NRG3: variants seen among roughly 807,000 people sequenced by gnomAD.
NRG3 encodes pro-neuregulin-3, membrane-bound isoform.
Under a neutral mutation model 66.9 loss-of-function variants are expected in NRG3, and 31 were observed. The ratio of observed to expected loss-of-function variants is 0.46; its 90% CI spans 0.35 to 0.63. NRG3 has a LOEUF of 0.63. NRG3 is among the 20% of genes least tolerant of loss of function. The pLI, the probability that NRG3 is intolerant of heterozygous loss-of-function variation, is 0.00. For synonymous variants in NRG3, 393 were observed against 359.4 expected, an observed-to-expected ratio of 1.09 and a Z score of -1.06; for missense variants, 910 against 878.9, an observed-to-expected ratio of 1.04 and a Z score of -0.45.
At chr10:82,041,350 G>A (rs1233237520) in intron 1 of NRG3, among the ~76,000 whole-genome samples, 3 of 151,920 alleles carry the variant, frequency 2.0e-5, no homozygotes, top group African/African-American at 7.3e-5. Flanking sequence ...ATCAGTTCTA[G>A]AGCCCACTGT....
intron 2 of NRG3, among the ~76,000 whole-genome samples, chr10:82,521,958 C>A (rs184042321): frequency 1.3e-5 from 2 of 151,722 alleles, no homozygotes; most frequent in East Asian, 3.9e-4. Context: ...TGCAGACATT[C>A]AGTCTCATCT....
chr10:82,754,297 T>C (rs1438180514), intron 3 of NRG3, among the ~76,000 whole-genome samples: 1 of 151,376 alleles, frequency 6.6e-6, no homozygotes, highest in African/African-American at 2.4e-5. Flanking sequence ...ATTAGGGTTT[T>C]ATTAAATATA....
intron 1 of NRG3, among the ~76,000 whole-genome samples, chr10:82,106,537 A>T (rs2067072876): frequency 6.8e-6 from 1 of 147,904 alleles, no homozygotes; most frequent in Non-Finnish European, 1.5e-5. Context: ...ATGGAGTCTC[A>T]TTCTGTCACC....
At chr10:82,230,159 T>G (rs1316455055) in intron 1 of NRG3, 1 of 152,140 alleles carries the variant, frequency 6.6e-6, no homozygotes, top group African/African-American at 2.4e-5. Context: ...AAGCCCAACA[T>G]TATGAAAAAA....
intron 3 of NRG3, among the ~76,000 whole-genome samples, chr10:82,832,560 A>G (rs2062578749): frequency 6.6e-6 from 1 of 152,210 alleles, no homozygotes; most frequent in Admixed American, 6.5e-5. Context: ...ATGCTGTGAA[A>G]TGAAATGTGG....
chr10:82,958,261 C>T (rs1850270678), intron 5 of NRG3, among the ~76,000 whole-genome samples: 1 of 152,170 alleles, frequency 6.6e-6, no homozygotes, highest in Non-Finnish European at 1.5e-5. Context: ...AAACAAATGG[C>T]TTAGCTTCTC....
rs763763706 is a variant in NRG3 at position 82,639,765 on chromosome 10, A to T, written c.954-98812A>T. Among the ~76,000 whole-genome samples the T allele has an allele frequency of 3.3e-5, 5 of 152,030 alleles. No homozygotes were observed. In the East Asian group the frequency reaches 9.6e-4, roughly 29 times the overall value. On this transcript the variant is annotated intron_variant, in intron 2 of 8. Coordinates refer to ENST00000372141, the MANE Select transcript of NRG3 (RefSeq NM_001010848.4). ...GGTAATGGCTGAAAGAGCCCTGATT[A>T]TTTTTTTAATTTGACTTTTATTTAA... is the stretch of plus-strand genomic sequence containing the variant.
At chr10:82,294,052 C>A (rs754987539) in intron 1 of NRG3, among the ~76,000 whole-genome samples, 1 of 152,062 alleles carries the variant, frequency 6.6e-6, no homozygotes, top group Non-Finnish European at 1.5e-5. Flanking sequence ...CGCTTGTCCT[C>A]TCACCAAGGA....
chr10:81,992,559 A>G (rs959247986), intron 1 of NRG3, among the ~76,000 whole-genome samples: 2 of 152,208 alleles, frequency 1.3e-5, no homozygotes, highest in Non-Finnish European at 2.9e-5. Context: ...AATTTCTACC[A>G]TAACAAATGA....
chr10:82,707,016 TAA>T (rs1477537869), intron 2 of NRG3, among the ~76,000 whole-genome samples: 17 of 87,286 alleles, frequency 1.9e-4, no homozygotes, highest in Admixed American at 6.0e-4. Context: ...TAAAATAAAA[TAA>T]ATATATATAT....
chr10:82,805,941 A>G (rs2061260915), intron 3 of NRG3, among the ~76,000 whole-genome samples: 1 of 152,094 alleles, frequency 6.6e-6, no homozygotes, highest in Non-Finnish European at 1.5e-5. Context: ...AAAAATCTTT[A>G]TTTTCAAATT....
intron 3 of NRG3, among the ~76,000 whole-genome samples, chr10:82,756,090 C>G (rs113338891): frequency 1.2e-4 from 18 of 151,922 alleles, no homozygotes; most frequent in African/African-American, 4.4e-4. Flanking sequence ...CCTGTAACTC[C>G]TCTAAGAAAG....
chr10:82,143,282 G>A (rs896268435), intron 1 of NRG3, among the ~76,000 whole-genome samples: 1 of 152,092 alleles, frequency 6.6e-6, no homozygotes, highest in African/African-American at 2.4e-5. Context: ...CATAAGTTGA[G>A]GATAATAAGA....
At chr10:82,772,471 C>T (rs754681511) in intron 3 of NRG3, among the ~76,000 whole-genome samples, 8 of 152,108 alleles carry the variant, frequency 5.3e-5, no homozygotes, top group Non-Finnish European at 1.0e-4. Context: ...TGTATCTCCC[C>T]TTTCCCCACT....
At chr10:82,614,875 T>C (rs1214878133) in intron 2 of NRG3, among the ~76,000 whole-genome samples, 2 of 152,012 alleles carry the variant, frequency 1.3e-5, no homozygotes, top group Admixed American at 6.6e-5. Flanking sequence ...GTAGTTTAGG[T>C]GCATACCTAT....
chr10:82,063,023 T>C (rs898119620), intron 1 of NRG3, among the ~76,000 whole-genome samples: 1 of 152,096 alleles, frequency 6.6e-6, no homozygotes, highest in African/African-American at 2.4e-5. Context: ...TTAGGGTACA[T>C]AACAGTACCT....
chr10:82,961,899 C>A (rs771139096), intron 6 of NRG3, among the ~76,000 whole-genome samples: 18 of 152,178 alleles, frequency 1.2e-4, no homozygotes, highest in Non-Finnish European at 2.1e-4. Flanking sequence ...AAATTTCCTA[C>A]TTGCTTACCA....
chr10:82,977,238 A>G (rs552926530), intron 7 of NRG3, among the ~76,000 whole-genome samples: 1 of 152,126 alleles, frequency 6.6e-6, no homozygotes, highest in African/African-American at 2.4e-5. Flanking sequence ...GCTGTTAGAG[A>G]GCTTCTCCAA....
intron 1 of NRG3, among the ~76,000 whole-genome samples, chr10:82,256,574 C>G (rs571451565): frequency 3.3e-5 from 5 of 152,328 alleles, no homozygotes; most frequent in Non-Finnish European, 7.3e-5. Context: ...CACTCTTGCT[C>G]TCTATCCTGC....
Sources: gnomAD v4.1 joint callset for allele counts (sites outside exome capture counted in the v4.1 genomes callset) on GRCh38, gnomAD v4.1.1 for gene constraint, MANE v1.5 for transcripts, NCBI Gene and HGNC (gene_info 2026-07-23, HGNC 2026-07-21) for gene names.